The following ELK3 variants were observed in gnomAD, a reference collection of about 807,000 sequenced individuals.
ELK3 encodes the protein ETS transcription factor ELK3, also known as ETS domain-containing protein Elk-3.
Under a neutral mutation model 28.9 loss-of-function variants are expected in ELK3, and 10 were observed. That is an observed-to-expected ratio of 0.35 (90% CI 0.21 to 0.59). ELK3 has a LOEUF of 0.59. ELK3 is among the 20% of genes least tolerant of loss of function. The probability of loss-of-function intolerance (pLI) is 0.82; values close to 1 mark genes in which losing one functional copy is unlikely to be tolerated. For synonymous variants in ELK3, 272 were observed against 243.5 expected (o/e 1.12, Z -1.09); for missense variants, 463 against 517.3 (o/e 0.90, Z 1.02).
At chr12:96,214,417 C>A (rs1395745593) in intron 1 of ELK3, among the ~76,000 whole-genome samples, 1 of 150,582 alleles carries the variant, frequency 6.6e-6, no homozygotes, top group Non-Finnish European at 1.5e-5. Context: ...GGCGACAGAG[C>A]AAGACTCTGT....
chr12:96,221,978 G>T (rs1951665187), intron 1 of ELK3, among the ~76,000 whole-genome samples: 1 of 152,010 alleles, frequency 6.6e-6, no homozygotes, highest in Non-Finnish European at 1.5e-5. Flanking sequence ...CTGCCCCCTG[G>T]GTTGCGGTCA....
chr12:96,200,534 G>A (rs975490126), intron 1 of ELK3, among the ~76,000 whole-genome samples: 3 of 152,110 alleles, frequency 2.0e-5, no homozygotes, highest in Non-Finnish European at 2.9e-5. Flanking sequence ...GCCTGGTTCT[G>A]TCACCCAGGC....
At chr12:96,240,804 G>A (rs1009155961) in intron 2 of ELK3, among the ~76,000 whole-genome samples, 3 of 152,158 alleles carry the variant, frequency 2.0e-5, no homozygotes, top group African/African-American at 7.2e-5. Flanking sequence ...GAATGACGAG[G>A]AACTCGCCAC....
At chr12:96,264,007 C>T (rs567683349) in intron 4 of ELK3, among the ~76,000 whole-genome samples, 9 of 152,112 alleles carry the variant, frequency 5.9e-5, no homozygotes, top group South Asian at 2.1e-4. Context: ...GAGATGAGCT[C>T]GCTGTGCTGC....
At chr12:96,216,064 G>A (rs918459735) in intron 1 of ELK3, among the ~76,000 whole-genome samples, 13 of 152,110 alleles carry the variant, frequency 8.5e-5, no homozygotes, top group East Asian at 1.9e-4. Flanking sequence ...TTTTACTCTC[G>A]GCCTCTCTAC....
chr12:96,246,860 C>A, intron 2 of ELK3, 80 bp from the exon 3 acceptor site: 4 of 1,425,298 alleles, frequency 2.8e-6, no homozygotes, highest in African/African-American at 1.4e-5. Flanking sequence ...CTTCTGCCAG[C>A]GACATTTACC....
At chr12:96,245,460 A>G (rs772049413) in intron 2 of ELK3, among the ~76,000 whole-genome samples, 10 of 152,162 alleles carry the variant, frequency 6.6e-5, no homozygotes, top group Non-Finnish European at 1.5e-4. Context: ...CACCTCCATC[A>G]GGGCTAATGT....
intron 2 of ELK3, among the ~76,000 whole-genome samples, chr12:96,239,175 CTG>C (rs768625176): frequency 2.0e-5 from 3 of 152,264 alleles, no homozygotes; most frequent in South Asian, 2.1e-4. Flanking sequence ...TGAAAAATCA[CTG>C]TTAAATTTTA....
chr12:96,227,471 T>C (rs776108349), intron 2 of ELK3, among the ~76,000 whole-genome samples: 18 of 152,208 alleles, frequency 1.2e-4, no homozygotes, highest in Non-Finnish European at 2.5e-4. Flanking sequence ...TATTTTTATA[T>C]GTTATATGTT....
At chr12:96,205,695 C>T (rs1951534509) in intron 1 of ELK3, among the ~76,000 whole-genome samples, 1 of 152,134 alleles carries the variant, frequency 6.6e-6, no homozygotes, top group Admixed American at 6.5e-5. Flanking sequence ...TGAAATGCTC[C>T]AAGTGACACC....
In ELK3 at chr12:96,259,817, T is replaced by C; in HGVS notation, c.1089T>C (p.Ser363=). 1 of 1,608,154 alleles carries C rather than the reference T, an allele frequency of 6.2e-7. No homozygotes were observed. The change falls in exon 4 of 5, where the codon AGT becomes AGC. Residue 363 remains serine, a synonymous_variant. Coordinates refer to ENST00000228741, the MANE Select transcript of ELK3 (RefSeq NM_005230.4). The part of the protein sequence containing the change: ...WSSLSPVAPL[S]PARLQGPSTL... ...GCCTTAGTCCAGTTGCTCCGCTGAG[T>C]CCTGCCAGGCTGCAAGGGCCAAGCA...
intron 2 of ELK3, among the ~76,000 whole-genome samples, chr12:96,237,302 G>A (rs888443437): frequency 7.9e-5 from 12 of 152,154 alleles, no homozygotes; most frequent in African/African-American, 1.4e-4. Context: ...TGGGTGTGGC[G>A]GCTCACGCTT....
intron 3 of ELK3, 77 bp from the exon 4 acceptor site, chr12:96,259,654 C>A: frequency 2.0e-6 from 3 of 1,484,292 alleles, no homozygotes; most frequent in Non-Finnish European, 2.7e-6. Context: ...CCTACCTAAC[C>A]TCTCTCTGCT....
chr12:96,218,178 G>A (rs1951633756), intron 1 of ELK3, among the ~76,000 whole-genome samples: 1 of 152,114 alleles, frequency 6.6e-6, no homozygotes, highest in Non-Finnish European at 1.5e-5. Flanking sequence ...TGTGACCATG[G>A]TCCTGGTCAG....
chr12:96,235,199 C>G (rs1187613647), intron 2 of ELK3, among the ~76,000 whole-genome samples: 1 of 149,394 alleles, frequency 6.7e-6, no homozygotes, highest in Admixed American at 6.7e-5. Context: ...CCTGCACCCC[C>G]ACAGCCGCCC....
At chr12:96,198,639 G>GT (rs747392580) in intron 1 of ELK3, among the ~76,000 whole-genome samples, 4 of 151,762 alleles carry the variant, frequency 2.6e-5, no homozygotes, top group African/African-American at 7.3e-5. Context: ...AAGGTTGGTT[G>GT]TTTTTTTTCC....
In ELK3 at chr12:96,267,705, T is replaced by C. The variant is rs1192154641; in HGVS notation, c.*525T>C. The C allele has an allele frequency of 6.5e-6, 1 of 152,754 alleles. No homozygotes were observed. The highest frequency in any genetic ancestry group is 1.5e-5 in the Non-Finnish European group (1 of 68,094). 9.5% of individuals were successfully genotyped at this position (152,754 alleles called of 1,614,324 possible). On this transcript the variant is annotated 3_prime_UTR_variant, in exon 5 of 5. Transcript: ENST00000228741. ...CACCAGTGGGCAATATGAAAGCATA[T>C]ATCACGTTTTGTTTTACTTTCAATT...
Position 96,224,446 on chromosome 12 carries a change from C to T in ELK3, c.207+673C>T, listed in dbSNP as rs150638556. On this transcript the variant is annotated intron_variant, in intron 2 of 4. Transcript: ENST00000228741. Reference sequence around the variant, plus strand: ...TCTCAGGATTGTGGTGATGACCGACCGAGCCATTACATATAAGTACTTAGA... The same window carrying T: ...TCTCAGGATTGTGGTGATGACCGACTGAGCCATTACATATAAGTACTTAGA... Among the ~76,000 whole-genome samples the T allele has an allele frequency of 1.6e-4, 25 of 152,158 alleles. 1 individual carries two copies. The East Asian group carries it at 3.5e-3, about 21-fold the overall frequency.
chr12:96,210,879 A>T (rs1180422741), intron 1 of ELK3, among the ~76,000 whole-genome samples: 1 of 152,220 alleles, frequency 6.6e-6, no homozygotes, highest in Non-Finnish European at 1.5e-5. Context: ...CCTAGTAGGA[A>T]TGTATTTCCC....
Sources: allele counts gnomAD v4.1 joint callset (sites outside exome capture counted in the v4.1 genomes callset), GRCh38; gene constraint gnomAD v4.1.1; transcripts MANE v1.5; gene names NCBI Gene and HGNC (gene_info 2026-07-23, HGNC 2026-07-21).